The following TMEM239 variants were observed in gnomAD, a reference collection of about 807,000 sequenced individuals.
TMEM239 encodes the protein transmembrane protein 239.
A neutral mutation model predicts 14.6 loss-of-function variants in TMEM239; 10 were observed. That is an observed-to-expected ratio of 0.68 (90% CI 0.42 to 1.16). The LOEUF (loss-of-function observed/expected upper bound fraction) is 1.16, where lower values mean the gene tolerates loss of function less well. Among genes scored for constraint, TMEM239 ranks in the 50% most tolerant of loss-of-function variants. TMEM239 has a pLI of 0.00. For synonymous variants in TMEM239, 94 were observed against 89.9 expected, an observed-to-expected ratio of 1.05 and a Z score of -0.26; for missense variants, 183 against 194.4, an observed-to-expected ratio of 0.94 and a Z score of 0.35.
Position 2,816,540 on chromosome 20 carries a change from C to T in TMEM239, c.-11-4C>T. The stretch of plus-strand genomic sequence containing the variant: ...CATCTTCAAGACCCTGGCCCTCTCC[C>T]CAGGTGCACCAGACATGATGCAGCA... On this transcript the variant is annotated splice_region_variant and splice_polypyrimidine_tract_variant and intron_variant, in intron 1 of 1. Coordinates refer to ENST00000380585, the MANE Select transcript of TMEM239 (RefSeq NM_001167670.3). The T allele has an allele frequency of 6.5e-7, 1 of 1,535,374 alleles. No individual in the cohort carries two copies. Among genetic ancestry groups the T allele is most frequent in the South Asian group, 1.2e-5 (1 of 84,006 alleles).
rs959581125 is a variant in TMEM239 at position 2,816,409 on chromosome 20, C to A, written c.-18C>A. On this transcript the variant is annotated 5_prime_UTR_variant, in exon 1 of 2. Transcript: ENST00000380585. The stretch of plus-strand genomic sequence containing the variant: ...GGAAGCAACATGACTTAGGTAACTG[C>A]CCAGAGGTAAGTCCCAGTCCCTAAT... The A allele has an allele frequency of 6.5e-7, 1 of 1,535,880 alleles. No homozygotes were observed. Among genetic ancestry groups the A allele is most frequent in the African/African-American group, 1.4e-5 (1 of 73,070 alleles).
chr20:2,816,220 A>T, upstream of TMEM239: 1 of 861,940 alleles, frequency 1.2e-6, no homozygotes, highest in South Asian at 1.6e-5. Flanking sequence ...GCCAGCCTGG[A>T]GGGTCCGTGC....
At chr20:2,815,940 C>T (rs1600278356), upstream of TMEM239, 1 of 670,710 alleles carries the variant, frequency 1.5e-6, no homozygotes, top group East Asian at 2.5e-5. Flanking sequence ...GGATCTGAGT[C>T]TTTGGGCAGC....
chr20:2,819,544 C>T (rs1014595092), downstream of TMEM239: 7 of 152,254 alleles, frequency 4.6e-5, no homozygotes, highest in African/African-American at 1.7e-4. Flanking sequence ...CAGTCTCAGG[C>T]CCTGCTCCAG....
chr20:2,816,181 C>A, upstream of TMEM239: 1 of 645,856 alleles, frequency 1.5e-6, no homozygotes, highest in South Asian at 1.9e-5. Flanking sequence ...GCATGAGAAA[C>A]TACATCTGCG....
In TMEM239 at chr20:2,816,568, C is replaced by T. The variant is rs776139324; in HGVS notation, c.14C>T (p.Pro5Leu). Residue 5 changes from proline (P) to leucine (L), a missense_variant, in exon 2 of 2, where the codon CCG becomes CTG. Physicochemically the swap from Pro to Leu is moderately conservative, Grantham distance 98. Transcript: ENST00000380585. MMQQ[P>L]RVETDTIGAG... ...GGTGCACCAGACATGATGCAGCAGC[C>T]GCGAGTGGAGACAGATACCATCGGG... The T allele has an allele frequency of 1.0e-5, 16 of 1,535,774 alleles. No homozygotes were observed. The highest frequency in any genetic ancestry group is 3.3e-4 in the Middle Eastern group (2 of 6,002).
Position 2,816,608 on chromosome 20 carries a change from A to G in TMEM239, c.54A>G (p.Pro18=). The change falls in exon 2 of 2, where the codon CCA becomes CCG. Residue 18 remains proline (P), a synonymous_variant. Coordinates refer to ENST00000380585, the MANE Select transcript of TMEM239 (RefSeq NM_001167670.3). The part of the protein sequence containing the change: ...ETDTIGAGEG[P]QQAVPWSAWV... ...ATACCATCGGGGCTGGCGAGGGGCC[A>G]CAGCAGGCAGTGCCCTGGTCAGCCT... 1.3e-6 allele frequency: 2 copies of G among 1,537,252 alleles called. No homozygotes were observed. The highest frequency in any genetic ancestry group is 1.7e-6 in the Non-Finnish European group (2 of 1,146,520).
At position 2,817,809 on chromosome 20, in the gene TMEM239, A is replaced by C. The variant is rs1487105770; in HGVS notation, c.*796A>C. On this transcript the variant is annotated 3_prime_UTR_variant, in exon 2 of 2. Transcript: ENST00000380585. ...CCACTTCTGTCATGGGGTTGTTGTG[A>C]GTCAAAGACAATATCTATTTGTGAA... 7.2e-5 allele frequency: 11 copies of C among 152,274 alleles called. No homozygotes were observed. Among genetic ancestry groups the C allele is most frequent in the South Asian group, 2.1e-4 (1 of 4,836 alleles). The allele number at this position is 152,274 out of a possible 1,614,324, so 9.4% of individuals were successfully genotyped here. A position where few individuals can be genotyped will look rare whatever the true frequency, so the allele number is the denominator to read the frequency against.
upstream of TMEM239, chr20:2,816,334 G>A (rs1024230218): frequency 1.2e-5 from 18 of 1,535,828 alleles, no homozygotes; most frequent in African/African-American, 2.3e-4. Flanking sequence ...GGTGGGGGTA[G>A]ATGAGAGTGG....
chr20:2,816,368 C>T lies in TMEM239; in HGVS notation c.-59C>T, dbSNP rs901336036. ...GGGGACTTGGATCTGCCTGCCAGGC[C>T]GTCCTGGGCGCTGCAGGAAGCAACA... On this transcript the variant is annotated 5_prime_UTR_variant, in exon 1 of 2. Coordinates refer to ENST00000380585, the MANE Select transcript of TMEM239 (RefSeq NM_001167670.3). 5.9e-6 allele frequency: 9 copies of T among 1,535,756 alleles called. No homozygotes were observed. Among genetic ancestry groups the T allele is most frequent in the African/African-American group, 2.7e-5 (2 of 72,962 alleles).
chr20:2,816,728 G>A lies in TMEM239; in HGVS notation c.174G>A (p.Leu58=). 2 of 1,549,618 alleles carry A rather than the reference G, an allele frequency of 1.3e-6. No homozygotes were observed. The highest frequency in any genetic ancestry group is 1.7e-6 in the Non-Finnish European group (2 of 1,146,554). ...WWSTSNWRQP[L]QRLLWGLEGI... is the part of the protein sequence containing the mutation. ...GCACCTCGAACTGGCGGCAACCGCT[G>A]CAGCGCCTGCTGTGGGGTCTGGAGG... Residue 58 remains leucine, a synonymous_variant, in exon 2 of 2, where the codon CTG becomes CTA. Transcript: ENST00000380585.
upstream of TMEM239, chr20:2,816,207 C>G (rs146404314): frequency 7.6e-5 from 58 of 765,478 alleles, no homozygotes; most frequent in East Asian, 1.5e-3. Flanking sequence ...CCGAGGCTCC[C>G]CTGCCAGCCT....
rs1018686204 is a variant in TMEM239 at position 2,816,601 on chromosome 20, A to G, written c.47A>G (p.Glu16Gly). ...GAGACAGATACCATCGGGGCTGGCG[A>G]GGGGCCACAGCAGGCAGTGCCCTGG... The part of the protein sequence containing the change: ...RVETDTIGAG[E>G]GPQQAVPWSA... Residue 16 changes from glutamate to glycine, a missense_variant, in exon 2 of 2, where the codon GAG becomes GGG. Glu to Gly is a moderately conservative substitution (Grantham distance 98). Coordinates refer to ENST00000380585, the MANE Select transcript of TMEM239 (RefSeq NM_001167670.3). 2 of 1,535,808 alleles carry G rather than the reference A, an allele frequency of 1.3e-6. No individual in the cohort carries two copies. The highest frequency in any genetic ancestry group is 2.0e-5 in the Admixed American group (1 of 50,834).
Position 2,817,132 on chromosome 20 carries a change from T to C in TMEM239, c.*119T>C, listed in dbSNP as rs2146582027. ...CCTGCCTTGGCAGGGCCCAGACCCC[T>C]AGTCCCTAACAGGTAGACTGGCCTG... On this transcript the variant is annotated 3_prime_UTR_variant, in exon 2 of 2. Transcript: ENST00000380585. 7.6e-7 allele frequency: 1 copy of C among 1,321,382 alleles called. No individual in the cohort carries two copies. The highest frequency in any genetic ancestry group is 1.0e-6 in the Non-Finnish European group (1 of 976,888). 81.9% of individuals were successfully genotyped at this position (1,321,382 alleles called of 1,614,324 possible).
chr20:2,817,006 A>G lies in TMEM239; in HGVS notation c.452A>G (p.Asp151Gly), dbSNP rs1243361975. Reference protein sequence around the residue: ...MTHPGDTQDLDQ With the variant: ...MTHPGDTQDLGQ ...CACCCAGGCGACACTCAGGATTTGG[A>G]TCAATAGAAGGGCAACCCCATCCCA... is the stretch of plus-strand genomic sequence containing the variant. Residue 151 changes from aspartate (D) to glycine (G), a missense_variant, in exon 2 of 2, where the codon GAT (aspartate) becomes GGT (glycine). By Grantham distance (94) the Asp-to-Gly change is moderately conservative (BLOSUM62 -1). Coordinates refer to ENST00000380585, the MANE Select transcript of TMEM239 (RefSeq NM_001167670.3). 1.2e-5 allele frequency: 19 copies of G among 1,537,714 alleles called. No individual in the cohort carries two copies. In the Admixed American group the frequency reaches 2.9e-4, roughly 24 times the overall value.
upstream of TMEM239, chr20:2,816,226 C>G: frequency 1.1e-6 from 1 of 926,108 alleles, no homozygotes. Flanking sequence ...CTGGAGGGTC[C>G]GTGCAGAGGG....
Position 2,817,367 on chromosome 20 carries a change from C to T in TMEM239, c.*354C>T. Reference sequence around the variant, plus strand: ...AACTGACAGCATCTTTTTCTCATAGCCACTCAGCTGTCTCAGCTTCAGACT... The same window carrying T: ...AACTGACAGCATCTTTTTCTCATAGTCACTCAGCTGTCTCAGCTTCAGACT... On this transcript the variant is annotated 3_prime_UTR_variant, in exon 2 of 2. Coordinates refer to ENST00000380585, the MANE Select transcript of TMEM239 (RefSeq NM_001167670.3). The T allele has an allele frequency of 2.1e-6, 1 of 465,674 alleles. No individual in the cohort carries two copies. The highest frequency in any genetic ancestry group is 3.8e-6 in the Non-Finnish European group (1 of 262,112). The allele number at this position is 465,674 out of a possible 1,614,324, so 28.8% of individuals were successfully genotyped here.
chr20:2,817,037 T>G lies in TMEM239; in HGVS notation c.*24T>G. On this transcript the variant is annotated 3_prime_UTR_variant, in exon 2 of 2. Transcript: ENST00000380585. ...AGAAGGGCAACCCCATCCCACTGCC[T>G]GTGTCTGTTGAGCCCTGGCCTAGGG... 6.5e-7 allele frequency: 1 copy of G among 1,537,472 alleles called. No homozygotes were observed. The highest frequency in any genetic ancestry group is 1.4e-5 in the African/African-American group (1 of 73,162).
At chr20:2,818,198 C>A (rs2088698413), downstream of TMEM239, 1 of 152,238 alleles carries the variant, frequency 6.6e-6, no homozygotes, top group Non-Finnish European at 1.5e-5. Flanking sequence ...GCTCAGGCAC[C>A]AGAAGGGCTT....
Sources: allele counts gnomAD v4.1 joint callset, GRCh38; gene constraint gnomAD v4.1.1; transcripts MANE v1.5; gene names NCBI Gene and HGNC (gene_info 2026-07-23, HGNC 2026-07-21).